The following FNDC3A variants were observed in gnomAD, a reference collection of about 807,000 sequenced individuals.
FNDC3A encodes fibronectin type-III domain-containing protein 3A.
Under a neutral mutation model 148.9 loss-of-function variants are expected in FNDC3A, and 32 were observed. The observed-to-expected ratio is 0.21, with a 90% CI of 0.16 to 0.29. FNDC3A has a LOEUF of 0.29. FNDC3A is among the 10% of genes least tolerant of loss of function. The pLI is 1.00. For missense variants in FNDC3A, 1,191 were observed against 1,452.8 expected (o/e 0.82, Z 2.93); for synonymous variants, 472 against 473.6 (o/e 1.00, Z 0.04).
rs763952815 is a variant in FNDC3A at position 49,190,995 on chromosome 13, T to C, written c.1945-20T>C. 12 of 1,576,476 alleles carry C rather than the reference T, an allele frequency of 7.6e-6. No homozygotes were observed. Among genetic ancestry groups the C allele is most frequent in the Middle Eastern group, 3.5e-4 (2 of 5,778 alleles). ...TGGTTTTGGGGCATTTTTGTTTTCTTTTTGCTTTTGTTTTGGCAGGTCTCT... is the reference window on the plus strand; with the variant it reads ...TGGTTTTGGGGCATTTTTGTTTTCTCTTTGCTTTTGTTTTGGCAGGTCTCT... On this transcript the variant is annotated intron_variant, in intron 17 of 25. Transcript: ENST00000492622.
intron 1 of FNDC3A, among the ~76,000 whole-genome samples, chr13:48,997,432 ATGTT>A (rs1952043732): frequency 6.6e-6 from 1 of 152,192 alleles, no homozygotes; most frequent in African/African-American, 2.4e-5. Flanking sequence ...TATGGACTGA[ATGTT>A]TGTATACCCC....
chr13:49,003,545 TA>T (rs1235342867), intron 1 of FNDC3A, among the ~76,000 whole-genome samples: 1 of 152,228 alleles, frequency 6.6e-6, no homozygotes, highest in Non-Finnish European at 1.5e-5. Flanking sequence ...TTCTTAATTC[TA>T]GTGAAATCCA....
Position 49,208,228 on chromosome 13 carries a change from C to T in FNDC3A, c.*833C>T, listed in dbSNP as rs1268510370. 6.6e-6 allele frequency: 1 copy of T among 152,276 alleles called. No individual in the cohort carries two copies. The highest frequency in any genetic ancestry group is 1.5e-5 in the Non-Finnish European group (1 of 68,006). 9.4% of individuals were successfully genotyped at this position (152,276 alleles called of 1,614,324 possible). A position where few individuals can be genotyped will look rare whatever the true frequency, so the allele number is the denominator to read the frequency against. On this transcript the variant is annotated 3_prime_UTR_variant, in exon 26 of 26. Coordinates refer to ENST00000492622, the MANE Select transcript of FNDC3A (RefSeq NM_001079673.2). The stretch of plus-strand genomic sequence containing the variant: ...CTATATGTATGTGTATAAGGGTATA[C>T]ACATACATATATGGCATATAACAAG...
At chr13:49,174,388 T>C (rs773529300) in intron 11 of FNDC3A, 47 bp from the exon 12 acceptor site, 1 of 1,505,046 alleles carries the variant, frequency 6.6e-7, no homozygotes, top group South Asian at 1.2e-5. Flanking sequence ...GAATTTATCT[T>C]TTTACAGTAA....
At chr13:49,197,961 G>A (rs1347215119) in intron 21 of FNDC3A, 21 bp from the exon 22 acceptor site, 11 of 1,601,196 alleles carry the variant, frequency 6.9e-6, no homozygotes, top group Middle Eastern at 1.7e-4. Context: ...TTGTTAACTC[G>A]GAGGCTCTGT....
chr13:49,197,818 C>T lies in FNDC3A; in HGVS notation c.2434C>T (p.Leu812Phe), dbSNP rs1359451220. Residue 812 changes from leucine (L) to phenylalanine (F), a missense_variant, in exon 21 of 26, where the codon CTC (leucine) becomes TTC (phenylalanine). Coordinates refer to ENST00000492622, the MANE Select transcript of FNDC3A (RefSeq NM_001079673.2). ...SMQICYCGPGLSYEIKGLSPA... is the reference protein window; with the variant it reads ...SMQICYCGPGFSYEIKGLSPA... ...GCAGATATGTTACTGTGGGCCTGGT[C>T]TCAGTTATGAAATAAAAGGACTTTC... 1 of 1,609,286 alleles carries T rather than the reference C, an allele frequency of 6.2e-7. No homozygotes were observed. The highest frequency in any genetic ancestry group is 1.7e-5 in the Admixed American group (1 of 58,254).
At position 49,191,320 on chromosome 13, in the gene FNDC3A, C is replaced by T. The variant is rs780249197; in HGVS notation, c.2162C>T (p.Thr721Ile). The part of the protein sequence containing the change: ...EVYQGSEVEC[T>I]VSSLLPGKTY... ...TACCAAGGTTCTGAAGTAGAATGTA[C>T]AGTGAGCAGCCTTCTTCCTGGAAAG... is the stretch of plus-strand genomic sequence containing the variant. The change falls in exon 19 of 26, where the codon ACA (threonine) becomes ATA (isoleucine). Residue 721 changes from threonine (T) to isoleucine (I), a missense_variant. Thr to Ile is a moderately conservative substitution (Grantham distance 89, BLOSUM62 -1). Around this residue, in one of 3 missense-constraint regions of FNDC3A, gnomAD observed 751 missense variants for 944.0 expected, o/e 0.80. Transcript: ENST00000492622. 2.2e-5 allele frequency: 36 copies of T among 1,612,964 alleles called. No homozygotes were observed. In the South Asian group the frequency reaches 3.9e-4, roughly 17 times the overall value.
chr13:49,207,383 T>C lies in FNDC3A; in HGVS notation c.3585T>C (p.Phe1195=). ...TGATTGCCTTTATCATTCAGTACTT[T>C]GTAATCAAGTGAAAATATAACTTTA... ...SILIAFIIQY[F]VIK Residue 1195 remains phenylalanine (F), a synonymous_variant, in exon 26 of 26, where the codon TTT becomes TTC. Transcript: ENST00000492622. 2.5e-6 allele frequency: 4 copies of C among 1,570,816 alleles called. No individual in the cohort carries two copies. Among genetic ancestry groups the C allele is most frequent in the Non-Finnish European group, 3.5e-6 (4 of 1,147,542 alleles).
chr13:48,989,754 C>CTTTT (rs35947839), intron 1 of FNDC3A, among the ~76,000 whole-genome samples: 1 of 143,760 alleles, frequency 7.0e-6, no homozygotes, highest in South Asian at 2.2e-4. Context: ...TTAAAGATAA[C>CTTTT]TTTTTTTTTT....
chr13:49,175,498 A>T lies in FNDC3A; in HGVS notation c.1487A>T (p.Asp496Val). The T allele has an allele frequency of 6.2e-7, 1 of 1,611,456 alleles. No individual in the cohort carries two copies. Among genetic ancestry groups the T allele is most frequent in the Non-Finnish European group, 8.5e-7 (1 of 1,178,856 alleles). ...QWSKPSGTPS[D>V]EGISYILEME... is the part of the protein sequence containing the mutation. Reference sequence around the variant, plus strand: ...AGTAAGCCCTCAGGAACACCATCAGATGAAGGAATTTCTTACATTTTAGAG... The same window carrying T: ...AGTAAGCCCTCAGGAACACCATCAGTTGAAGGAATTTCTTACATTTTAGAG... Residue 496 changes from aspartate (D) to valine (V), a missense_variant, in exon 13 of 26, where the codon GAT becomes GTT. By Grantham distance (152) the Asp-to-Val change is radical (BLOSUM62 -3). This residue lies in a region of FNDC3A where 751 missense variants were observed against 944.0 expected (regional missense o/e 0.80). Transcript: ENST00000492622.
intron 11 of FNDC3A, among the ~76,000 whole-genome samples, chr13:49,173,157 T>C (rs549773731): frequency 3.3e-5 from 5 of 152,378 alleles, no homozygotes; most frequent in Non-Finnish European, 7.3e-5. Context: ...TTGTTTTTAC[T>C]ATCAGTTACC....
chr13:49,164,601 TA>T (rs1480688727), intron 8 of FNDC3A, among the ~76,000 whole-genome samples: 1 of 152,102 alleles, frequency 6.6e-6, no homozygotes. Flanking sequence ...CATTCATTTT[TA>T]TTCTTCTTCT....
intron 2 of FNDC3A, among the ~76,000 whole-genome samples, chr13:49,061,248 TA>T (rs1457209088): frequency 6.6e-6 from 1 of 151,552 alleles, no homozygotes; most frequent in African/African-American, 2.4e-5. Flanking sequence ...TAGCTGAGAC[TA>T]CAGGCTTGCA....
chr13:49,159,633 T>A (rs1164083306), intron 8 of FNDC3A, among the ~76,000 whole-genome samples: 1 of 152,202 alleles, frequency 6.6e-6, no homozygotes, highest in African/African-American at 2.4e-5. Flanking sequence ...CTGATTGCCC[T>A]GGCCAGAACT....
chr13:49,106,787 A>AC (rs1486760495), intron 3 of FNDC3A, among the ~76,000 whole-genome samples: 7 of 150,828 alleles, frequency 4.6e-5, no homozygotes, highest in Non-Finnish European at 8.9e-5. Context: ...AAAAAAAAAA[A>AC]AAAAAACCAA....
At chr13:49,165,755 A>G (rs1423429470) in intron 8 of FNDC3A, among the ~76,000 whole-genome samples, 2 of 152,176 alleles carry the variant, frequency 1.3e-5, no homozygotes, top group African/African-American at 4.8e-5. Flanking sequence ...TGATGTCATT[A>G]GCAATGGCAG....
At chr13:49,076,252 T>TTG (rs1203767478) in intron 3 of FNDC3A, among the ~76,000 whole-genome samples, 105 of 146,576 alleles carry the variant, frequency 7.2e-4, no homozygotes, top group Admixed American at 2.9e-3. Context: ...CTGTAAGTAC[T>TTG]TTTTTTTTTT....
At chr13:48,988,584 A>G (rs967524221) in intron 1 of FNDC3A, among the ~76,000 whole-genome samples, 7 of 152,170 alleles carry the variant, frequency 4.6e-5, no homozygotes, top group Admixed American at 3.3e-4. Context: ...CTCACACTTA[A>G]TAGTCCCAGG....
intron 11 of FNDC3A, among the ~76,000 whole-genome samples, chr13:49,173,146 A>G (rs1343030769): frequency 6.6e-6 from 1 of 152,220 alleles, no homozygotes; most frequent in Admixed American, 6.5e-5. Context: ...GGTTTAGTAC[A>G]TTGTTTTTAC....
Sources: gnomAD v4.1 joint callset for allele counts (sites outside exome capture counted in the v4.1 genomes callset) on GRCh38, gnomAD v4.1.1 for gene constraint, gnomAD v4.1.1 regional missense constraint, MANE v1.5 for transcripts, NCBI Gene and HGNC (gene_info 2026-07-23, HGNC 2026-07-21) for gene names.